The following RXRG variants were observed in gnomAD, a reference collection of about 807,000 sequenced individuals.
RXRG encodes the protein retinoid X receptor gamma, also known as retinoic acid receptor RXR-gamma.
In RXRG, 19 loss-of-function variants were observed where a neutral mutation model predicts 49.2. That is an observed-to-expected ratio of 0.39 (90% CI 0.27 to 0.57). The LOEUF (loss-of-function observed/expected upper bound fraction) is 0.57. Ranked by LOEUF, RXRG falls within the 20% of genes least tolerant of loss-of-function variation. The pLI, the probability that RXRG is intolerant of heterozygous loss-of-function variation, is 0.64. For missense variants in RXRG, 452 were observed against 592.5 expected (o/e 0.76, Z 2.46); for synonymous variants, 224 against 216.6 (o/e 1.03, Z -0.30).
chr1:165,410,571 G>C, intron 6 of RXRG, 131 bp downstream of exon 6: 1 of 1,016,526 alleles, frequency 9.8e-7, no homozygotes. Flanking sequence ...GAACAACCCC[G>C]CACAGGGTTA....
At chr1:165,423,229 A>G (rs1372582927) in intron 2 of RXRG, among the ~76,000 whole-genome samples, 1 of 152,188 alleles carries the variant, frequency 6.6e-6, no homozygotes, top group Non-Finnish European at 1.5e-5. Context: ...CTGGTCCCCA[A>G]GTCCCCCAAT....
At chr1:165,412,572 T>C (rs1330671233) in intron 4 of RXRG, among the ~76,000 whole-genome samples, 1 of 152,232 alleles carries the variant, frequency 6.6e-6, no homozygotes, top group Non-Finnish European at 1.5e-5. Context: ...AGAGATTAAC[T>C]GAGATAGTTA....
At chr1:165,428,171 C>G (rs1658550490) in intron 2 of RXRG, among the ~76,000 whole-genome samples, 1 of 152,188 alleles carries the variant, frequency 6.6e-6, no homozygotes, top group Non-Finnish European at 1.5e-5. Context: ...TCCATCATAG[C>G]AGAAGGCACT....
At chr1:165,434,520 G>A (rs1023714527) in intron 1 of RXRG, among the ~76,000 whole-genome samples, 3 of 152,226 alleles carry the variant, frequency 2.0e-5, no homozygotes, top group African/African-American at 7.2e-5. Context: ...AGGGTAGAGA[G>A]TTTGCTCTCC....
chr1:165,402,984 G>C (rs1433301985), intron 9 of RXRG, among the ~76,000 whole-genome samples: 3 of 151,168 alleles, frequency 2.0e-5, no homozygotes, highest in African/African-American at 7.3e-5. Flanking sequence ...CACACATGCA[G>C]ACACACTCCA....
chr1:165,435,181 T>C (rs770468368), intron 1 of RXRG, among the ~76,000 whole-genome samples: 3 of 152,094 alleles, frequency 2.0e-5, no homozygotes, highest in Non-Finnish European at 1.5e-5. Flanking sequence ...CATCACAAAA[T>C]CAAAAGAAGA....
rs57637440 is a variant in RXRG at position 165,445,030 on chromosome 1, C to A, written c.-137G>T. 1,850 of 736,038 alleles carry A rather than the reference C, an allele frequency of 2.5e-3. 30 individuals carry two copies. In the African/African-American group the frequency reaches 0.027, roughly 11 times the overall value. The allele number at this position is 736,038 out of a possible 1,614,324, so 45.6% of individuals were successfully genotyped here. ...TCGCTTCCTAGCAGCCCGGGGAGCA[C>A]AGGCTGGGCCAGCCCTCTGGGATTA... On this transcript the variant is annotated 5_prime_UTR_variant, in exon 1 of 10. Coordinates refer to ENST00000359842, the MANE Select transcript of RXRG (RefSeq NM_006917.5).
chr1:165,440,167 A>G (rs1177591308), intron 1 of RXRG, among the ~76,000 whole-genome samples: 1 of 152,254 alleles, frequency 6.6e-6, no homozygotes, highest in Non-Finnish European at 1.5e-5. Context: ...AGTATAGTAC[A>G]TGGTAGAGCT....
At chr1:165,415,260 C>T (rs1658089294) in intron 4 of RXRG, among the ~76,000 whole-genome samples, 1 of 152,160 alleles carries the variant, frequency 6.6e-6, no homozygotes, top group Non-Finnish European at 1.5e-5. Flanking sequence ...GTGGGTGCAT[C>T]TCTGGTATAG....
chr1:165,407,706 G>A (rs1035346020), intron 8 of RXRG, among the ~76,000 whole-genome samples: 27 of 152,198 alleles, frequency 1.8e-4, no homozygotes, highest in African/African-American at 6.3e-4. Flanking sequence ...GCCACTCTTG[G>A]ATATCTACTA....
chr1:165,404,572 A>G (rs922817038), intron 9 of RXRG, among the ~76,000 whole-genome samples: 1 of 152,390 alleles, frequency 6.6e-6, no homozygotes, highest in South Asian at 2.1e-4. Context: ...TAAAATTTCT[A>G]GAATGGCTAA....
chr1:165,406,424 C>G (rs1376304684), intron 9 of RXRG, among the ~76,000 whole-genome samples: 1 of 152,238 alleles, frequency 6.6e-6, no homozygotes, highest in Non-Finnish European at 1.5e-5. Flanking sequence ...TGAAATCACA[C>G]GAACAGGGTT....
At chr1:165,412,279 G>A (rs75079950) in intron 4 of RXRG, among the ~76,000 whole-genome samples, 2,582 of 152,224 alleles carry the variant, frequency 0.017, 36 homozygotes, top group Middle Eastern at 0.031. Flanking sequence ...GTGGAGATAC[G>A]CCAAAAAGCT....
chr1:165,413,365 CTG>C (rs1156990031), intron 4 of RXRG, among the ~76,000 whole-genome samples: 1 of 152,206 alleles, frequency 6.6e-6, no homozygotes, highest in East Asian at 1.9e-4. Context: ...AGCTCTTTCT[CTG>C]TGTCAGGAAT....
chr1:165,434,511 G>A (rs1658770358), intron 1 of RXRG, among the ~76,000 whole-genome samples: 2 of 152,218 alleles, frequency 1.3e-5, no homozygotes, highest in Admixed American at 1.3e-4. Flanking sequence ...GTGCCAGGAA[G>A]GGTAGAGAGT....
intron 3 of RXRG, 69 bp from the exon 4 acceptor site, chr1:165,417,289 C>T (rs745314557): frequency 2.8e-6 from 4 of 1,417,952 alleles, no homozygotes; most frequent in South Asian, 1.4e-5. Flanking sequence ...TCAAAAGAAC[C>T]TCTTGGCTCT....
At chr1:165,402,219 C>G (rs1368651474) in intron 9 of RXRG, among the ~76,000 whole-genome samples, 2 of 151,986 alleles carry the variant, frequency 1.3e-5, no homozygotes, top group Non-Finnish European at 2.9e-5. Flanking sequence ...CAAGTAGCTG[C>G]GAATACAGGC....
At chr1:165,437,336 A>G in intron 1 of RXRG, 1 of 677,326 alleles carries the variant, frequency 1.5e-6, no homozygotes, top group Non-Finnish European at 2.2e-6. Context: ...ACTAGTTACA[A>G]GCTCTGATGT....
intron 9 of RXRG, 33 bp from the exon 10 acceptor site, chr1:165,401,443 G>A (rs1557906673): frequency 6.2e-7 from 1 of 1,611,810 alleles, no homozygotes. Context: ...CAGGGACAGG[G>A]ACGGGCAGGC....
Sources: gnomAD v4.1 joint callset for allele counts (sites outside exome capture counted in the v4.1 genomes callset) on GRCh38, gnomAD v4.1.1 for gene constraint, MANE v1.5 for transcripts, NCBI Gene and HGNC (gene_info 2026-07-23, HGNC 2026-07-21) for gene names.